The following DPP10 variants were observed in gnomAD, a reference collection of about 807,000 sequenced individuals.
DPP10 encodes inactive dipeptidyl peptidase 10.
In DPP10, 33 loss-of-function variants were observed where a neutral mutation model predicts 120.9. The ratio of observed to expected loss-of-function variants is 0.27; its 90% CI spans 0.21 to 0.37. DPP10 has a LOEUF of 0.37. Among genes scored for constraint, DPP10 ranks in the 10% least tolerant of loss-of-function variants. The pLI is 1.00. For synonymous variants in DPP10, 337 were observed against 326.1 expected, an observed-to-expected ratio of 1.03 and a Z score of -0.36; for missense variants, 816 against 942.8, an observed-to-expected ratio of 0.87 and a Z score of 1.76.
At chr2:114,565,666 A>C (rs1246737999) in intron 1 of DPP10, among the ~76,000 whole-genome samples, 1 of 152,212 alleles carries the variant, frequency 6.6e-6, no homozygotes, top group Non-Finnish European at 1.5e-5. Context: ...CCTCTGCATG[A>C]AGAAATGTGA....
intron 1 of DPP10, among the ~76,000 whole-genome samples, chr2:114,929,528 T>C (rs1033239523): frequency 6.6e-6 from 1 of 152,204 alleles, no homozygotes; most frequent in African/African-American, 2.4e-5. Context: ...AATTCAGAGA[T>C]ATTTCTCCTA....
At chr2:114,699,915 A>G (rs1263239167) in intron 1 of DPP10, among the ~76,000 whole-genome samples, 1 of 152,116 alleles carries the variant, frequency 6.6e-6, no homozygotes, top group Non-Finnish European at 1.5e-5. Flanking sequence ...CTTAGATACA[A>G]CAAGGAAAGT....
chr2:115,279,637 C>G (rs191674280), intron 1 of DPP10, among the ~76,000 whole-genome samples: 792 of 66,490 alleles, frequency 0.012, 2 homozygotes, highest in Non-Finnish European at 0.021. Context: ...TTCTTTCTTT[C>G]TTTCTTTTTT....
intron 1 of DPP10, among the ~76,000 whole-genome samples, chr2:115,045,556 A>G (rs1405588005): frequency 6.6e-6 from 1 of 152,118 alleles, no homozygotes; most frequent in African/African-American, 2.4e-5. Context: ...TGTGACCAGG[A>G]AGCACTGAGT....
chr2:114,649,637 T>G (rs1244432920), intron 1 of DPP10, among the ~76,000 whole-genome samples: 1 of 152,050 alleles, frequency 6.6e-6, no homozygotes, highest in Non-Finnish European at 1.5e-5. Flanking sequence ...ATCCTGAGAT[T>G]TTTTGAAAGT....
chr2:115,713,476 G>A (rs2421279), intron 7 of DPP10, among the ~76,000 whole-genome samples: 138,323 of 152,226 alleles, frequency 0.91, 64,361 homozygotes, highest in East Asian at 1. Flanking sequence ...GGGATGACTG[G>A]TGTGAACAGG....
intron 1 of DPP10, among the ~76,000 whole-genome samples, chr2:114,799,022 G>A (rs1045382486): frequency 2.6e-5 from 4 of 152,180 alleles, no homozygotes; most frequent in South Asian, 2.1e-4. Flanking sequence ...CCAGCTAATC[G>A]GGAAGCTGGG....
At chr2:114,480,854 TA>T (rs1263111373) in intron 1 of DPP10, among the ~76,000 whole-genome samples, 1 of 149,974 alleles carries the variant, frequency 6.7e-6, no homozygotes, top group Admixed American at 6.6e-5. Context: ...ACTTAAAGTA[TA>T]ATAATAATAA....
intron 2 of DPP10, among the ~76,000 whole-genome samples, chr2:115,328,904 G>C (rs1364548150): frequency 2.0e-5 from 3 of 152,006 alleles, no homozygotes; most frequent in Non-Finnish European, 4.4e-5. Flanking sequence ...GTTGAATTAG[G>C]ACTAAAATAT....
At chr2:114,890,332 A>G (rs1172227378) in intron 1 of DPP10, among the ~76,000 whole-genome samples, 1 of 152,182 alleles carries the variant, frequency 6.6e-6, no homozygotes, top group Non-Finnish European at 1.5e-5. Flanking sequence ...TTTATACATG[A>G]AAGGTATGAG....
intron 3 of DPP10, among the ~76,000 whole-genome samples, chr2:115,363,808 A>T (rs2064927635): frequency 6.6e-6 from 1 of 152,202 alleles, no homozygotes. Flanking sequence ...TTGTCAAAGC[A>T]CCTGAGTGAT....
chr2:115,378,584 A>G (rs1239745151), intron 3 of DPP10, among the ~76,000 whole-genome samples: 1 of 150,342 alleles, frequency 6.7e-6, no homozygotes, highest in Non-Finnish European at 1.5e-5. Context: ...AACTTCCAAC[A>G]CTATGTTGAA....
intron 1 of DPP10, among the ~76,000 whole-genome samples, chr2:114,663,308 A>G (rs1050020975): frequency 1.3e-5 from 2 of 150,086 alleles, no homozygotes; most frequent in African/African-American, 4.9e-5. Flanking sequence ...ATATATACAT[A>G]CACATATATG....
At position 115,252,038 on chromosome 2, in the gene DPP10, A is replaced by G. The variant is rs927211936; in HGVS notation, c.61-57201A>G. 2.6e-4 allele frequency among the ~76,000 whole-genome samples: 40 copies of G among 152,232 alleles called. 1 individual carries two copies. Among genetic ancestry groups the G allele is most frequent in the African/African-American group, 9.4e-4 (39 of 41,468 alleles). On this transcript the variant is annotated intron_variant, in intron 1 of 25. Transcript: ENST00000410059. ...CTATCAGTTTTGTATTCTATCACAT[A>G]TCAGTATGGTGCCCTTAAGCAGATT...
At chr2:115,808,158 A>G (rs1014010804) in intron 19 of DPP10, among the ~76,000 whole-genome samples, 2 of 152,240 alleles carry the variant, frequency 1.3e-5, no homozygotes, top group Non-Finnish European at 2.9e-5. Context: ...CGTGTGCGAA[A>G]GGCACAATAT....
chr2:115,295,995 A>C (rs2060869069), intron 1 of DPP10, among the ~76,000 whole-genome samples: 1 of 152,154 alleles, frequency 6.6e-6, no homozygotes, highest in Non-Finnish European at 1.5e-5. Flanking sequence ...CTTTTGAACT[A>C]GATCAAATGT....
At chr2:114,538,795 T>C (rs1411380463) in intron 1 of DPP10, among the ~76,000 whole-genome samples, 1 of 152,208 alleles carries the variant, frequency 6.6e-6, no homozygotes, top group African/African-American at 2.4e-5. Flanking sequence ...GGACCCAGAC[T>C]GAGAGAATGT....
intron 3 of DPP10, among the ~76,000 whole-genome samples, chr2:115,349,479 T>C (rs2063885903): frequency 6.6e-6 from 1 of 152,054 alleles, no homozygotes; most frequent in Admixed American, 6.6e-5. Flanking sequence ...AAAAAAACTA[T>C]AAATGAAAAG....
intron 1 of DPP10, among the ~76,000 whole-genome samples, chr2:115,117,289 A>T (rs1346333452): frequency 6.6e-6 from 1 of 152,232 alleles, no homozygotes; most frequent in Non-Finnish European, 1.5e-5. Context: ...AATTAAGGAG[A>T]TTGAAAATTC....
Sources: allele counts gnomAD v4.1 joint callset (sites outside exome capture counted in the v4.1 genomes callset), GRCh38; gene constraint gnomAD v4.1.1; transcripts MANE v1.5; gene names NCBI Gene and HGNC (gene_info 2026-07-23, HGNC 2026-07-21).